The following CRACD variants were observed in gnomAD, a reference collection of about 807,000 sequenced individuals.
CRACD encodes capping protein inhibiting regulator of actin dynamics.
In CRACD, 56 loss-of-function variants were observed where a neutral mutation model predicts 106.8. The observed-to-expected ratio is 0.52, with a 90% CI of 0.42 to 0.66. The LOEUF (loss-of-function observed/expected upper bound fraction) is 0.66, where lower values mean the gene tolerates loss of function less well. Ranked by LOEUF, CRACD falls within the 30% of genes least tolerant of loss-of-function variation. The pLI is 0.00. For synonymous variants in CRACD, 754 were observed against 670.8 expected (o/e 1.12, Z -1.92); for missense variants, 1,730 against 1,623.2 (o/e 1.07, Z -1.13).
intron 1 of CRACD, among the ~76,000 whole-genome samples, chr4:56,176,247 C>G (rs757431357): frequency 3.3e-5 from 5 of 151,980 alleles, no homozygotes; most frequent in Non-Finnish European, 7.4e-5. Context: ...GCTTAGTTTT[C>G]TTTAGCTATT....
At chr4:56,142,969 A>G (rs1455408233) in intron 1 of CRACD, among the ~76,000 whole-genome samples, 3 of 151,692 alleles carry the variant, frequency 2.0e-5, no homozygotes, top group Non-Finnish European at 4.4e-5. Flanking sequence ...TCGGTAAGAC[A>G]AGCTCCTTTT....
At chr4:56,095,888 T>C (rs1733585771) in intron 1 of CRACD, among the ~76,000 whole-genome samples, 1 of 152,118 alleles carries the variant, frequency 6.6e-6, no homozygotes, top group Admixed American at 6.5e-5. Flanking sequence ...TGTGGAGTAG[T>C]GAGATATGGT....
intron 1 of CRACD, among the ~76,000 whole-genome samples, chr4:56,138,077 C>CCT (rs57925149): frequency 2.6e-5 from 4 of 151,938 alleles, no homozygotes; most frequent in African/African-American, 9.7e-5. Context: ...CCAACCCCCC[C>CCT]ACCCACTCTC....
At chr4:56,135,811 C>T (rs1466359178) in intron 1 of CRACD, among the ~76,000 whole-genome samples, 2 of 152,134 alleles carry the variant, frequency 1.3e-5, no homozygotes, top group Admixed American at 6.6e-5. Flanking sequence ...TAGGAATAGA[C>T]CTAAGCTGTA....
In CRACD at chr4:56,314,351, G is replaced by A. The variant is rs576383014; in HGVS notation, c.849G>A (p.Ala283=). ...EGEGQEPPLE[A]ERAPREEQQR... The stretch of plus-strand genomic sequence containing the variant: ...AGGGGCAGGAGCCGCCTCTAGAGGC[G>A]GAAAGGGCGCCGCGGGAAGAGCAGC... Residue 283 remains alanine, a synonymous_variant, in exon 8 of 11, where the codon GCG becomes GCA. Transcript: ENST00000682029. The surrounding 1 kb of genome is among the most constrained non-coding windows in gnomAD (Gnocchi z 4.4). 1.9e-6 allele frequency: 3 copies of A among 1,549,554 alleles called. No individual in the cohort carries two copies. Among genetic ancestry groups the A allele is most frequent in the African/African-American group, 2.7e-5 (2 of 73,002 alleles).
chr4:56,170,482 C>CAA (rs1736320865), intron 1 of CRACD, among the ~76,000 whole-genome samples: 1 of 152,068 alleles, frequency 6.6e-6, no homozygotes, highest in Admixed American at 6.6e-5. Context: ...TTGGGTATAG[C>CAA]AAATCTTGGC....
At chr4:56,055,213 T>A (rs1045494931) in intron 1 of CRACD, among the ~76,000 whole-genome samples, 21 of 151,776 alleles carry the variant, frequency 1.4e-4, no homozygotes, top group African/African-American at 4.8e-4. Flanking sequence ...CTCACCCCAC[T>A]CACCTGGGGA....
chr4:56,107,957 C>T (rs34552342), intron 1 of CRACD, among the ~76,000 whole-genome samples: 18,546 of 152,208 alleles, frequency 0.12, 1,208 homozygotes, highest in East Asian at 0.19. Flanking sequence ...ACACTGTGTA[C>T]GCAGATCCCA....
At chr4:56,307,456 A>G (rs1404785221) in intron 4 of CRACD, 79 bp from the exon 5 acceptor site, 2 of 1,452,096 alleles carry the variant, frequency 1.4e-6, no homozygotes, top group African/African-American at 1.4e-5. Context: ...AGTGCTCACT[A>G]GACATGCTGG....
intron 1 of CRACD, among the ~76,000 whole-genome samples, chr4:56,078,768 A>G (rs1353574793): frequency 6.6e-6 from 1 of 151,980 alleles, no homozygotes; most frequent in Non-Finnish European, 1.5e-5. Context: ...GTCTCCATTG[A>G]CCAGTTCTCA....
rs1368180407 is a variant in CRACD at position 56,313,246 on chromosome 4, G to A, written c.404G>A (p.Gly135Asp). 1 of 1,614,144 alleles carries A rather than the reference G, an allele frequency of 6.2e-7. No homozygotes were observed. The highest frequency in any genetic ancestry group is 1.7e-5 in the Admixed American group (1 of 60,016). ...SRPKRHFSSA[G>D]TIESVNLDAI... ...CCAAAAAGGCACTTCTCTTCTGCTGGCACCATCGAAAGTGTCAACTTAGAT... is the reference window on the plus strand; with the variant it reads ...CCAAAAAGGCACTTCTCTTCTGCTGACACCATCGAAAGTGTCAACTTAGAT... Residue 135 changes from glycine to aspartate, a missense_variant, in exon 7 of 11, where the codon GGC becomes GAC. Physicochemically the swap from Gly to Asp is moderately conservative, Grantham distance 94. Transcript: ENST00000682029.
chr4:56,097,748 A>G (rs1467842359), intron 1 of CRACD, among the ~76,000 whole-genome samples: 2 of 152,180 alleles, frequency 1.3e-5, no homozygotes, highest in Non-Finnish European at 2.9e-5. Flanking sequence ...GTCCAATGGG[A>G]TCAAGGAATT....
chr4:56,320,352 G>A (rs764258685), intron 8 of CRACD, among the ~76,000 whole-genome samples: 3 of 152,128 alleles, frequency 2.0e-5, no homozygotes, highest in Non-Finnish European at 4.4e-5. Context: ...CCTGTCCACT[G>A]AGTTTAGAAT....
At chr4:56,273,663 G>C (rs942504177) in intron 3 of CRACD, among the ~76,000 whole-genome samples, 1 of 152,136 alleles carries the variant, frequency 6.6e-6, no homozygotes, top group African/African-American at 2.4e-5. Context: ...TGTTCTTGTA[G>C]CATTGTGTGC....
At chr4:56,199,032 G>C (rs1396363078) in intron 2 of CRACD, among the ~76,000 whole-genome samples, 3 of 152,038 alleles carry the variant, frequency 2.0e-5, no homozygotes, top group African/African-American at 7.2e-5. Flanking sequence ...CTCTGGAATG[G>C]AGTGGCATTT....
chr4:56,118,871 T>A (rs1734387827), intron 1 of CRACD, among the ~76,000 whole-genome samples: 1 of 152,240 alleles, frequency 6.6e-6, no homozygotes, highest in Non-Finnish European at 1.5e-5. Context: ...ACAGTGGCAA[T>A]TCTATGTACA....
At chr4:56,249,021 A>G (rs11725677) in intron 2 of CRACD, among the ~76,000 whole-genome samples, 17,563 of 44,018 alleles carry the variant, frequency 0.4, 4,404 homozygotes, top group Middle Eastern at 0.6. Flanking sequence ...TGTGAATAAT[A>G]CCGCAATAAA....
At chr4:56,192,553 G>A (rs1215712276) in intron 2 of CRACD, among the ~76,000 whole-genome samples, 2 of 152,100 alleles carry the variant, frequency 1.3e-5, no homozygotes, top group Middle Eastern at 3.2e-3. Context: ...GTGGGAAGAG[G>A]TTCATGATGA....
At chr4:56,264,922 C>T (rs1470465842) in intron 2 of CRACD, among the ~76,000 whole-genome samples, 1 of 152,186 alleles carries the variant, frequency 6.6e-6, no homozygotes. Flanking sequence ...ATCTTCTTTC[C>T]TCCACGCTTC....
Sources: gnomAD v4.1 joint callset for allele counts (sites outside exome capture counted in the v4.1 genomes callset) on GRCh38, gnomAD v4.1.1 for gene constraint, Gnocchi (gnomAD v3.1) non-coding constraint, MANE v1.5 for transcripts, NCBI Gene and HGNC (gene_info 2026-07-23, HGNC 2026-07-21) for gene names.